ANKS1B: variants seen among roughly 807,000 people sequenced by gnomAD.
ANKS1B encodes ankyrin repeat and sterile alpha motif domain containing 1B.
In ANKS1B, 36 loss-of-function variants were observed where a neutral mutation model predicts 148.3. The ratio of observed to expected loss-of-function variants is 0.24; its 90% CI spans 0.19 to 0.32. The LOEUF (loss-of-function observed/expected upper bound fraction) is 0.32. ANKS1B is among the 10% of genes least tolerant of loss of function. The pLI is 1.00. For missense variants in ANKS1B, 1,157 were observed against 1,542.6 expected (o/e 0.75, Z 4.19); for synonymous variants, 542 against 560.8 (o/e 0.97, Z 0.47).
At chr12:99,365,028 C>A (rs2092692141) in intron 12 of ANKS1B, among the ~76,000 whole-genome samples, 1 of 152,190 alleles carries the variant, frequency 6.6e-6, no homozygotes, top group Non-Finnish European at 1.5e-5. Flanking sequence ...ACTGGCCATG[C>A]TGAGCAACAA....
chr12:99,342,088 T>C (rs948153783), intron 12 of ANKS1B, among the ~76,000 whole-genome samples: 4 of 152,062 alleles, frequency 2.6e-5, no homozygotes, highest in African/African-American at 9.7e-5. Context: ...CCTAGGAATA[T>C]GGTGGTGAAT....
chr12:98,776,628 G>A (rs2098678790), intron 24 of ANKS1B, among the ~76,000 whole-genome samples: 2 of 152,296 alleles, frequency 1.3e-5, no homozygotes, highest in South Asian at 4.1e-4. Context: ...AAGGGCGCGT[G>A]GTGATGAAGT....
intron 17 of ANKS1B, among the ~76,000 whole-genome samples, chr12:99,051,698 T>C (rs1317425624): frequency 6.6e-6 from 1 of 152,232 alleles, no homozygotes; most frequent in Non-Finnish European, 1.5e-5. Flanking sequence ...TGATAGCTTT[T>C]GTGAGGGCAT....
At chr12:99,342,763 T>C (rs1312872666) in intron 12 of ANKS1B, among the ~76,000 whole-genome samples, 3 of 152,070 alleles carry the variant, frequency 2.0e-5, no homozygotes, top group Admixed American at 1.3e-4. Context: ...GTCTAACACC[T>C]AAAAGTAAAA....
At chr12:99,539,792 T>A (rs969628076) in intron 9 of ANKS1B, among the ~76,000 whole-genome samples, 4 of 152,148 alleles carry the variant, frequency 2.6e-5, no homozygotes, top group Admixed American at 6.5e-5. Flanking sequence ...TGGTTTCAAA[T>A]TCCTGGCCTC....
At position 98,777,142 on chromosome 12, in the gene ANKS1B, G is replaced by A. The variant is rs111485981; in HGVS notation, c.3442-3963C>T. On this transcript the variant is annotated intron_variant, in intron 24 of 26. Coordinates refer to ENST00000683438, the MANE Select transcript of ANKS1B (RefSeq NM_001352186.2). ...CAGGAGTTTGAGGTTACAGTGAGCCGTGGTGGCGCCACTACACTCCAGCCT... is the reference window on the plus strand; with the variant it reads ...CAGGAGTTTGAGGTTACAGTGAGCCATGGTGGCGCCACTACACTCCAGCCT... 8.7e-3 allele frequency among the ~76,000 whole-genome samples: 1,326 copies of A among 152,210 alleles called. 16 individuals carry two copies. Among genetic ancestry groups the A allele is most frequent in the African/African-American group, 0.031 (1,273 of 41,530 alleles).
At chr12:99,924,904 C>T (rs894850034) in intron 1 of ANKS1B, among the ~76,000 whole-genome samples, 1 of 152,034 alleles carries the variant, frequency 6.6e-6, no homozygotes, top group African/African-American at 2.4e-5. Context: ...ATTTCTGTAT[C>T]CTTGCTCACT....
chr12:99,701,822 CTT>C (rs2054878850), intron 8 of ANKS1B, among the ~76,000 whole-genome samples: 1 of 152,076 alleles, frequency 6.6e-6, no homozygotes, highest in South Asian at 2.1e-4. Context: ...GCTTATTTGA[CTT>C]TATATAACGT....
At chr12:99,365,313 T>C (rs1306205007) in intron 12 of ANKS1B, among the ~76,000 whole-genome samples, 1 of 152,172 alleles carries the variant, frequency 6.6e-6, no homozygotes, top group Non-Finnish European at 1.5e-5. Flanking sequence ...TCATCCTATG[T>C]CAGACATTGA....
intron 10 of ANKS1B, among the ~76,000 whole-genome samples, chr12:99,493,276 G>C (rs1348145699): frequency 6.6e-6 from 1 of 152,166 alleles, no homozygotes; most frequent in African/African-American, 2.4e-5. Flanking sequence ...GTTTAAGGAG[G>C]GTGATGCAAT....
chr12:99,541,836 A>T (rs2097129101), intron 9 of ANKS1B, among the ~76,000 whole-genome samples: 1 of 149,690 alleles, frequency 6.7e-6, no homozygotes, highest in South Asian at 2.1e-4. Flanking sequence ...GCCTGGCAAC[A>T]GAGCGAGACT....
chr12:99,018,016 A>T (rs147933788), intron 17 of ANKS1B, among the ~76,000 whole-genome samples: 2 of 152,300 alleles, frequency 1.3e-5, no homozygotes, highest in African/African-American at 4.8e-5. Context: ...TCTGTGACTT[A>T]TGTTTTTCCT....
At chr12:99,035,059 G>C (rs951006818) in intron 17 of ANKS1B, among the ~76,000 whole-genome samples, 4 of 152,044 alleles carry the variant, frequency 2.6e-5, no homozygotes, top group African/African-American at 4.8e-5. Context: ...CCAAAATGAA[G>C]GCCTCAGAAG....
chr12:99,184,603 G>A (rs1407477456), intron 14 of ANKS1B, among the ~76,000 whole-genome samples: 2 of 152,164 alleles, frequency 1.3e-5, no homozygotes, highest in African/African-American at 4.8e-5. Flanking sequence ...ATATCATTAG[G>A]AGAAAACACC....
chr12:99,040,003 G>C (rs941533401), intron 17 of ANKS1B, among the ~76,000 whole-genome samples: 1 of 152,152 alleles, frequency 6.6e-6, no homozygotes, highest in Admixed American at 6.5e-5. Flanking sequence ...CAGTCACAAG[G>C]AGATACATGT....
rs1203929209 is a variant in ANKS1B at position 99,029,588 on chromosome 12, A to C, written c.2778+23569T>G. On this transcript the variant is annotated intron_variant, in intron 17 of 26. Coordinates refer to ENST00000683438, the MANE Select transcript of ANKS1B (RefSeq NM_001352186.2). Reference sequence around the variant, plus strand: ...CGGTGAGGAAAGTGAGAGCAGGTTGATCAATAAAACATAGACTGGAGGAAG... The same window carrying C: ...CGGTGAGGAAAGTGAGAGCAGGTTGCTCAATAAAACATAGACTGGAGGAAG... Among the ~76,000 whole-genome samples the C allele has an allele frequency of 2.6e-5, 4 of 152,250 alleles. No homozygotes were observed. The East Asian group carries it at 7.7e-4, about 29-fold the overall frequency.
At chr12:99,643,196 T>A (rs2098327279) in intron 9 of ANKS1B, among the ~76,000 whole-genome samples, 1 of 152,124 alleles carries the variant, frequency 6.6e-6, no homozygotes, top group South Asian at 2.1e-4. Context: ...ATTCATGCCA[T>A]CTCAACGTCC....
At chr12:98,975,987 A>G (rs1400378988) in intron 17 of ANKS1B, among the ~76,000 whole-genome samples, 1 of 152,218 alleles carries the variant, frequency 6.6e-6, no homozygotes, top group Non-Finnish European at 1.5e-5. Flanking sequence ...CATGAACTTG[A>G]CAACTGCTTC....
At chr12:99,073,543 G>T (rs1320222452) in intron 16 of ANKS1B, among the ~76,000 whole-genome samples, 2 of 152,146 alleles carry the variant, frequency 1.3e-5, no homozygotes, top group Non-Finnish European at 2.9e-5. Context: ...AATGACCCCG[G>T]TGGCTGCTGG....
Sources: allele counts gnomAD v4.1 joint callset (sites outside exome capture counted in the v4.1 genomes callset), GRCh38; gene constraint gnomAD v4.1.1; transcripts MANE v1.5; gene names NCBI Gene and HGNC (gene_info 2026-07-23, HGNC 2026-07-21).